Variants in FMN2 observed in about 807,000 individuals in gnomAD.
FMN2 encodes the protein formin-2.
In FMN2, 51 loss-of-function variants were observed where a neutral mutation model predicts 142.3. That is an observed-to-expected ratio of 0.36 (90% CI 0.29 to 0.45). The LOEUF (loss-of-function observed/expected upper bound fraction) is 0.45. Among genes scored for constraint, FMN2 ranks in the 20% least tolerant of loss-of-function variants. The pLI is 1.00. For missense variants in FMN2, 1,936 were observed against 2,122.8 expected (o/e 0.91, Z 1.73); for synonymous variants, 882 against 869.8 (o/e 1.01, Z -0.25).
At chr1:240,472,742 C>T (rs1018948509) in intron 17 of FMN2, among the ~76,000 whole-genome samples, 1 of 151,790 alleles carries the variant, frequency 6.6e-6, no homozygotes, top group Non-Finnish European at 1.5e-5. Flanking sequence ...GTCAGGCGAT[C>T]GAGGCCATCC....
intron 2 of FMN2, chr1:240,144,808 C>T (rs1006156032): frequency 4.2e-6 from 6 of 1,433,814 alleles, no homozygotes; most frequent in African/African-American, 2.8e-5. Flanking sequence ...GGACGATTTC[C>T]TTCACCAGAG....
At chr1:240,398,989 A>G (rs1184380470) in intron 15 of FMN2, among the ~76,000 whole-genome samples, 2 of 152,102 alleles carry the variant, frequency 1.3e-5, no homozygotes, top group Non-Finnish European at 2.9e-5. Context: ...CGCTGTCTCC[A>G]TGGATTGCAG....
intron 16 of FMN2, among the ~76,000 whole-genome samples, chr1:240,456,906 T>C (rs1358507775): frequency 6.6e-6 from 1 of 152,224 alleles, no homozygotes; most frequent in African/African-American, 2.4e-5. Flanking sequence ...CTTTGTTCCA[T>C]GTAATAAATC....
chr1:240,315,074 A>G (rs546703381), intron 8 of FMN2, among the ~76,000 whole-genome samples: 4 of 152,298 alleles, frequency 2.6e-5, no homozygotes, highest in African/African-American at 9.6e-5. Flanking sequence ...CAACCCCAGT[A>G]AATTTTGCCA....
intron 7 of FMN2, among the ~76,000 whole-genome samples, chr1:240,286,549 G>A (rs926396727): frequency 3.9e-5 from 6 of 152,246 alleles, no homozygotes; most frequent in African/African-American, 4.8e-5. Context: ...TAAGGTCTAC[G>A]AAACTGAGTA....
At chr1:240,459,727 A>ATT (rs1676381594) in intron 16 of FMN2, among the ~76,000 whole-genome samples, 1 of 54,104 alleles carries the variant, frequency 1.8e-5, no homozygotes, top group Admixed American at 2.2e-4. Flanking sequence ...TAAAAAAAAA[A>ATT]AAAAAAAAAA....
At chr1:240,371,156 C>T (rs1208774583) in intron 14 of FMN2, among the ~76,000 whole-genome samples, 1 of 151,728 alleles carries the variant, frequency 6.6e-6, no homozygotes, top group Non-Finnish European at 1.5e-5. Flanking sequence ...GACGAGGTTT[C>T]ACCATATTGG....
At chr1:240,337,312 G>A (rs1671600098) in intron 13 of FMN2, among the ~76,000 whole-genome samples, 1 of 149,950 alleles carries the variant, frequency 6.7e-6, no homozygotes, top group Admixed American at 6.7e-5. Flanking sequence ...CATCTCCTGG[G>A]TTCAAGCAAT....
rs1325107390 is a variant in FMN2, at chr1:240,452,257, A to C, written c.5060+14047A>C. ...ACTCTTTTTCAAAAGAATATATTGA[A>C]TATTCATGACTTAGGCATTCATTTA... is the stretch of plus-strand genomic sequence containing the variant. On this transcript the variant is annotated intron_variant, in intron 16 of 17. Transcript: ENST00000319653. 4.6e-5 allele frequency among the ~76,000 whole-genome samples: 7 copies of C among 152,208 alleles called. 1 individual carries two copies. Among genetic ancestry groups the C allele is most frequent in the Admixed American group, 3.9e-4 (6 of 15,268 alleles).
At chr1:240,269,409 A>G (rs920686695) in intron 7 of FMN2, among the ~76,000 whole-genome samples, 2 of 151,962 alleles carry the variant, frequency 1.3e-5, no homozygotes, top group African/African-American at 4.8e-5. Context: ...CGATGTGTCT[A>G]TTTTTATGCC....
chr1:240,209,773 G>A (rs996749858), intron 5 of FMN2, among the ~76,000 whole-genome samples: 3 of 151,544 alleles, frequency 2.0e-5, no homozygotes, highest in South Asian at 2.1e-4. Context: ...GCGAGGTGGC[G>A]GGCGCCGGTA....
intron 15 of FMN2, among the ~76,000 whole-genome samples, chr1:240,434,598 G>A (rs573705327): frequency 1.3e-5 from 2 of 149,652 alleles, no homozygotes; most frequent in Non-Finnish European, 3.0e-5. Context: ...GTCTCGCTCT[G>A]TCACCCAGGC....
At chr1:240,447,812 C>T (rs919590881) in intron 16 of FMN2, among the ~76,000 whole-genome samples, 1 of 152,074 alleles carries the variant, frequency 6.6e-6, no homozygotes, top group Non-Finnish European at 1.5e-5. Flanking sequence ...CACAAACCTA[C>T]GCATCTACTC....
intron 6 of FMN2, among the ~76,000 whole-genome samples, chr1:240,234,071 G>C (rs1387526701): frequency 6.6e-6 from 1 of 152,016 alleles, no homozygotes; most frequent in Non-Finnish European, 1.5e-5. Flanking sequence ...AACTGATAAG[G>C]TATTTTAAAC....
intron 14 of FMN2, among the ~76,000 whole-genome samples, chr1:240,392,191 C>T (rs1673626462): frequency 1.3e-5 from 2 of 151,798 alleles, no homozygotes; most frequent in Admixed American, 1.3e-4. Context: ...AACACTGACA[C>T]ATCTGATGTA....
intron 13 of FMN2, among the ~76,000 whole-genome samples, chr1:240,352,218 G>T (rs1672119675): frequency 6.6e-6 from 1 of 152,182 alleles, no homozygotes; most frequent in African/African-American, 2.4e-5. Flanking sequence ...GGTTTTGTCA[G>T]TTCTGTTCGT....
intron 8 of FMN2, among the ~76,000 whole-genome samples, chr1:240,302,931 T>C (rs1670252529): frequency 6.6e-6 from 1 of 152,000 alleles, no homozygotes; most frequent in South Asian, 2.1e-4. Flanking sequence ...CCTATATGGA[T>C]ATAAATATAG....
intron 15 of FMN2, among the ~76,000 whole-genome samples, chr1:240,394,040 C>T (rs116124910): frequency 0.019 from 2,881 of 152,214 alleles, 93 homozygotes; most frequent in African/African-American, 0.065. Context: ...GAAATGTAAC[C>T]ATGTGTGGGA....
At chr1:240,119,693 A>G (rs1045098060) in intron 1 of FMN2, among the ~76,000 whole-genome samples, 1 of 152,134 alleles carries the variant, frequency 6.6e-6, no homozygotes, top group Non-Finnish European at 1.5e-5. Context: ...TTCGGGGCAT[A>G]TGCTTTCATG....
Sources: allele counts gnomAD v4.1 joint callset (sites outside exome capture counted in the v4.1 genomes callset), GRCh38; gene constraint gnomAD v4.1.1; transcripts MANE v1.5; gene names NCBI Gene and HGNC (gene_info 2026-07-23, HGNC 2026-07-21).